The following NRG3 variants were observed in gnomAD, a reference collection of about 807,000 sequenced individuals.
NRG3 encodes the protein neuregulin 3.
A neutral mutation model predicts 66.9 loss-of-function variants in NRG3; 31 were observed. That is an observed-to-expected ratio of 0.46 (90% confidence interval 0.35 to 0.63). The LOEUF (loss-of-function observed/expected upper bound fraction) is 0.63. Among genes scored for constraint, NRG3 ranks in the 20% least tolerant of loss-of-function variants. NRG3 has a pLI of 0.00. For synonymous variants in NRG3, 393 were observed against 359.4 expected, an observed-to-expected ratio of 1.09 and a Z score of -1.06; for missense variants, 910 against 878.9, an observed-to-expected ratio of 1.04 and a Z score of -0.45.
At chr10:82,628,400 T>C (rs1267736652) in intron 2 of NRG3, among the ~76,000 whole-genome samples, 1 of 152,100 alleles carries the variant, frequency 6.6e-6, no homozygotes, top group Non-Finnish European at 1.5e-5. Context: ...GCTGCAGCCG[T>C]GGAGTATAAA....
At chr10:82,243,732 TCTTGA>T in intron 1 of NRG3, among the ~76,000 whole-genome samples, 1 of 152,206 alleles carries the variant, frequency 6.6e-6, no homozygotes, top group African/African-American at 2.4e-5. Context: ...GAAACATAGA[TCTTGA>T]CTTCCAGCTA....
intron 2 of NRG3, among the ~76,000 whole-genome samples, chr10:82,394,264 A>G (rs1192204160): frequency 1.3e-5 from 2 of 152,202 alleles, no homozygotes; most frequent in Non-Finnish European, 2.9e-5. Flanking sequence ...CAGATGCAGG[A>G]GCACATTTAC....
chr10:82,641,887 G>C (rs1446817172), intron 2 of NRG3, among the ~76,000 whole-genome samples: 1 of 152,048 alleles, frequency 6.6e-6, no homozygotes, highest in Non-Finnish European at 1.5e-5. Context: ...TTGTTACATG[G>C]ATAGATCATG....
intron 1 of NRG3, among the ~76,000 whole-genome samples, chr10:81,932,783 G>T (rs1189620976): frequency 1.3e-5 from 2 of 152,068 alleles, no homozygotes; most frequent in Non-Finnish European, 2.9e-5. Flanking sequence ...CGTCCAAAGG[G>T]TCATGGTCTT....
chr10:82,654,649 G>A (rs1469302266), intron 2 of NRG3, among the ~76,000 whole-genome samples: 1 of 152,016 alleles, frequency 6.6e-6, no homozygotes, highest in Non-Finnish European at 1.5e-5. Context: ...TATATTAATT[G>A]TTTTCCTGTA....
chr10:81,891,941 C>G (rs769717442), intron 1 of NRG3, among the ~76,000 whole-genome samples: 1 of 152,128 alleles, frequency 6.6e-6, no homozygotes, highest in African/African-American at 2.4e-5. Flanking sequence ...CTCCCTACCT[C>G]CCTTCCTCTG....
intron 1 of NRG3, among the ~76,000 whole-genome samples, chr10:82,124,443 A>T (rs2068294552): frequency 6.6e-6 from 1 of 152,048 alleles, no homozygotes; most frequent in Non-Finnish European, 1.5e-5. Flanking sequence ...TAAGGATAAA[A>T]ATATTTAACA....
At chr10:82,463,452 A>T (rs2091615654) in intron 2 of NRG3, among the ~76,000 whole-genome samples, 1 of 152,186 alleles carries the variant, frequency 6.6e-6, no homozygotes, top group South Asian at 2.1e-4. Flanking sequence ...TTGGCTTTTT[A>T]AATAGCTATA....
At chr10:82,727,437 G>A (rs1348212850) in intron 2 of NRG3, among the ~76,000 whole-genome samples, 19 of 152,234 alleles carry the variant, frequency 1.2e-4, no homozygotes, top group Admixed American at 1.2e-3. Context: ...AAGGGGCCAA[G>A]GTACAGCTCA....
intron 1 of NRG3, among the ~76,000 whole-genome samples, chr10:82,062,778 GA>G: frequency 6.6e-6 from 1 of 152,148 alleles, no homozygotes; most frequent in Middle Eastern, 3.4e-3. Context: ...AACCAAAAAT[GA>G]AGGGAAGGTA....
At chr10:82,525,465 C>A (rs1367236897) in intron 2 of NRG3, among the ~76,000 whole-genome samples, 2 of 151,778 alleles carry the variant, frequency 1.3e-5, no homozygotes, top group African/African-American at 4.8e-5. Flanking sequence ...TCATTTCAAA[C>A]CCATATTGAC....
intron 1 of NRG3, among the ~76,000 whole-genome samples, chr10:82,231,406 A>C (rs1314590957): frequency 1.3e-5 from 2 of 152,268 alleles, no homozygotes; most frequent in East Asian, 1.9e-4. Context: ...CAAAAAAGGT[A>C]ATAGAAAAAC....
intron 1 of NRG3, among the ~76,000 whole-genome samples, chr10:82,131,534 TC>T (rs58988926): frequency 1 from 152,248 of 152,248 alleles, 76,124 homozygotes; most frequent in Non-Finnish European, 1. Context: ...TTTTGTGGTT[TC>T]CCTATCAAAT....
intron 1 of NRG3, among the ~76,000 whole-genome samples, chr10:81,955,883 G>A (rs866620913): frequency 6.6e-6 from 1 of 152,140 alleles, no homozygotes; most frequent in South Asian, 2.1e-4. Context: ...CTCCAATTAT[G>A]TGTAATAGAC....
intron 1 of NRG3, among the ~76,000 whole-genome samples, chr10:82,301,376 A>G (rs1004660930): frequency 3.9e-5 from 6 of 152,200 alleles, no homozygotes; most frequent in Non-Finnish European, 7.3e-5. Context: ...CTATGAATAA[A>G]TAGCCATTTA....
At chr10:81,889,874 C>T (rs186853443) in intron 1 of NRG3, among the ~76,000 whole-genome samples, 13 of 152,278 alleles carry the variant, frequency 8.5e-5, no homozygotes, top group African/African-American at 2.6e-4. Flanking sequence ...AAATGAGCAT[C>T]AAATCCAAAT....
intron 5 of NRG3, among the ~76,000 whole-genome samples, chr10:82,953,615 G>A (rs75301253): frequency 0.044 from 6,650 of 151,948 alleles, 237 homozygotes; most frequent in Admixed American, 0.11. Context: ...CTTAGCCTTG[G>A]TTCCCTTTGT....
chr10:82,571,257 A>G (rs1480195297), intron 2 of NRG3, among the ~76,000 whole-genome samples: 1 of 151,650 alleles, frequency 6.6e-6, no homozygotes, highest in Non-Finnish European at 1.5e-5. Context: ...CAAATAGGCC[A>G]ATAGAAACTA....
intron 2 of NRG3, among the ~76,000 whole-genome samples, chr10:82,662,050 G>A (rs76675180): frequency 6.6e-6 from 1 of 152,136 alleles, no homozygotes. Context: ...AGGAAAGAGA[G>A]CCCAAAGCCA....
Sources: allele counts gnomAD v4.1 joint callset (sites outside exome capture counted in the v4.1 genomes callset), GRCh38; gene constraint gnomAD v4.1.1; transcripts MANE v1.5; gene names NCBI Gene and HGNC (gene_info 2026-07-23, HGNC 2026-07-21).